The following DTNA variants were observed in gnomAD, a reference collection of about 807,000 sequenced individuals.
DTNA encodes dystrobrevin alpha.
A neutral mutation model predicts 100.7 loss-of-function variants in DTNA; 43 were observed. The observed-to-expected ratio is 0.43, with a 90% CI of 0.33 to 0.55. The LOEUF is 0.55. Among genes scored for constraint, DTNA ranks in the 20% least tolerant of loss-of-function variants. The pLI is 0.04. For synonymous variants in DTNA, 349 were observed against 347.9 expected (o/e 1.00, Z -0.04); for missense variants, 798 against 953.9 (o/e 0.84, Z 2.15).
chr18:34,882,980 TC>T (rs1362760358), intron 21 of DTNA, among the ~76,000 whole-genome samples: 1 of 152,170 alleles, frequency 6.6e-6, no homozygotes, highest in African/African-American at 2.4e-5. Flanking sequence ...AGGCCTGTGT[TC>T]ATCAAGGTAT....
intron 1 of DTNA, among the ~76,000 whole-genome samples, chr18:34,523,981 T>C (rs2042376926): frequency 6.6e-6 from 1 of 152,202 alleles, no homozygotes; most frequent in South Asian, 2.1e-4. Flanking sequence ...TTTATGGTTT[T>C]GACAACGGTA....
rs558956634 is a variant in DTNA at position 34,863,096 on chromosome 18, A to T, written c.1647-870A>T. On this transcript the variant is annotated intron_variant, in intron 16 of 22. Coordinates refer to ENST00000444659, the MANE Select transcript of DTNA (RefSeq NM_001386795.1). ...TTGGGGCAATGGGAAAATTATATGT[A>T]TTACTTATTCAGTAATAATCATTCA... 6.0e-4 allele frequency among the ~76,000 whole-genome samples: 91 copies of T among 152,338 alleles called. No homozygotes were observed. In the South Asian group the frequency reaches 6.4e-3, roughly 11 times the overall value.
In DTNA at chr18:34,606,892, A is replaced by G. The variant is rs996217110; in HGVS notation, c.-2+113378A>G. 1.3e-4 allele frequency among the ~76,000 whole-genome samples: 20 copies of G among 152,282 alleles called. 1 individual carries two copies. In the East Asian group the frequency reaches 3.9e-3, roughly 29 times the overall value. ...TGGAGGGGTAAATAGATATCCAGAC[A>G]TGGAAGGGTTTTCATGTCATTGTAA... is the stretch of plus-strand genomic sequence containing the variant. On this transcript the variant is annotated intron_variant, in intron 1 of 19. Coordinates refer to the DTNA transcript ENST00000283365.
intron 1 of DTNA, among the ~76,000 whole-genome samples, chr18:34,508,108 A>G (rs1265588330): frequency 6.6e-6 from 1 of 152,130 alleles, no homozygotes; most frequent in Admixed American, 6.6e-5. Context: ...TTTGTGGTTG[A>G]CATCAAAAAA....
At chr18:34,668,547 T>C (rs1212820032) in intron 1 of DTNA, among the ~76,000 whole-genome samples, 6 of 152,352 alleles carry the variant, frequency 3.9e-5, no homozygotes, top group African/African-American at 1.4e-4. Flanking sequence ...TTTCCTGCTT[T>C]CTCTTGTGGG....
At chr18:34,518,074 C>T (rs2041821724) in intron 1 of DTNA, among the ~76,000 whole-genome samples, 1 of 152,180 alleles carries the variant, frequency 6.6e-6, no homozygotes, top group Non-Finnish European at 1.5e-5. Context: ...TTAAACTTCT[C>T]TGCCTTTGCC....
At chr18:34,872,382 G>A (rs1229832406) in intron 17 of DTNA, among the ~76,000 whole-genome samples, 2 of 152,188 alleles carry the variant, frequency 1.3e-5, no homozygotes, top group Non-Finnish European at 2.9e-5. Context: ...CAAGGCTGGT[G>A]TGCACTACAG....
intron 1 of DTNA, among the ~76,000 whole-genome samples, chr18:34,514,850 C>T (rs932106189): frequency 6.6e-6 from 1 of 152,010 alleles, no homozygotes; most frequent in Non-Finnish European, 1.5e-5. Flanking sequence ...CCAAAGGCCT[C>T]ACTCCTAACA....
intron 1 of DTNA, among the ~76,000 whole-genome samples, chr18:34,732,130 T>C (rs1436814094): frequency 1.3e-5 from 2 of 152,234 alleles, no homozygotes; most frequent in Non-Finnish European, 2.9e-5. Flanking sequence ...ACTAACACCA[T>C]GATCATTACA....
chr18:34,720,521 G>A (rs2085058529), intron 1 of DTNA, among the ~76,000 whole-genome samples: 1 of 152,126 alleles, frequency 6.6e-6, no homozygotes, highest in African/African-American at 2.4e-5. Context: ...AGCTAGAGAG[G>A]TACAGGAGAC....
chr18:34,518,703 ACGTGTGTG>A (rs1445834848), intron 1 of DTNA, among the ~76,000 whole-genome samples: 3 of 67,528 alleles, frequency 4.4e-5, no homozygotes, highest in African/African-American at 1.5e-4. Flanking sequence ...AATTTGGCAA[ACGTGTGTG>A]TGTGTGTGTG....
At chr18:34,595,245 C>T (rs1352908271) in intron 1 of DTNA, among the ~76,000 whole-genome samples, 1 of 152,204 alleles carries the variant, frequency 6.6e-6, no homozygotes, top group Non-Finnish European at 1.5e-5. Context: ...CCTGGGTGCT[C>T]ACCATACACT....
intron 1 of DTNA, among the ~76,000 whole-genome samples, chr18:34,623,586 A>C (rs1451674144): frequency 9.2e-5 from 14 of 152,224 alleles, no homozygotes; most frequent in Non-Finnish European, 1.5e-5. Flanking sequence ...GTTAGAACAC[A>C]TAGAAGAAAT....
At chr18:34,615,588 A>C (rs1386527044) in intron 1 of DTNA, among the ~76,000 whole-genome samples, 1 of 152,062 alleles carries the variant, frequency 6.6e-6, no homozygotes, top group African/African-American at 2.4e-5. Flanking sequence ...TTAGTTTCAG[A>C]AGTAGATGTA....
chr18:34,607,996 G>A (rs2053480992), intron 1 of DTNA, among the ~76,000 whole-genome samples: 3 of 152,162 alleles, frequency 2.0e-5, no homozygotes, highest in Admixed American at 1.3e-4. Flanking sequence ...AAGTGGCAAG[G>A]ATTCCAAATC....
At chr18:34,673,267 G>T (rs957882460) in intron 1 of DTNA, among the ~76,000 whole-genome samples, 37 of 151,732 alleles carry the variant, frequency 2.4e-4, no homozygotes, top group African/African-American at 7.8e-4. Context: ...TGTATTATTA[G>T]TATTATTATT....
At chr18:34,772,896 A>G (rs2093853878) in intron 3 of DTNA, among the ~76,000 whole-genome samples, 1 of 152,170 alleles carries the variant, frequency 6.6e-6, no homozygotes, top group East Asian at 1.9e-4. Context: ...TTCTAAGTGC[A>G]TTCATTGTGG....
At chr18:34,827,992 C>CA (rs889318069) in intron 10 of DTNA, among the ~76,000 whole-genome samples, 48 of 152,192 alleles carry the variant, frequency 3.2e-4, no homozygotes, top group African/African-American at 1.1e-3. Context: ...TCATAGTCCT[C>CA]AGAGTTGAAG....
intron 1 of DTNA, among the ~76,000 whole-genome samples, chr18:34,532,818 C>A (rs2043283733): frequency 6.6e-6 from 1 of 150,970 alleles, no homozygotes; most frequent in African/African-American, 2.4e-5. Context: ...AAATTAGAAG[C>A]CATGTGGTCA....
Sources: allele counts gnomAD v4.1 joint callset (sites outside exome capture counted in the v4.1 genomes callset), GRCh38; gene constraint gnomAD v4.1.1; transcripts MANE v1.5; gene names NCBI Gene and HGNC (gene_info 2026-07-23, HGNC 2026-07-21).